The following ACSS3 variants were observed in gnomAD, a reference collection of about 807,000 sequenced individuals.
ACSS3 encodes the protein acyl-CoA synthetase short chain family member 3.
Under a neutral mutation model 84.2 loss-of-function variants are expected in ACSS3, and 64 were observed. The observed-to-expected ratio is 0.76, with a 90% CI of 0.62 to 0.94. The LOEUF is 0.94. Ranked by LOEUF, ACSS3 falls within the 40% of genes least tolerant of loss-of-function variation. The pLI, the probability that ACSS3 is intolerant of heterozygous loss-of-function variation, is 0.00. For missense variants in ACSS3, 815 were observed against 867.6 expected (o/e 0.94, Z 0.76); for synonymous variants, 317 against 310.1 (o/e 1.02, Z -0.23).
chr12:81,164,323 G>C (rs1887298800), intron 7 of ACSS3, among the ~76,000 whole-genome samples: 1 of 152,108 alleles, frequency 6.6e-6, no homozygotes, highest in African/African-American at 2.4e-5. Context: ...TGTGTGGTAG[G>C]CTTCACCATC....
chr12:81,184,789 G>A (rs533472836), intron 8 of ACSS3, among the ~76,000 whole-genome samples: 141 of 151,700 alleles, frequency 9.3e-4, no homozygotes, highest in Admixed American at 4.5e-3. Flanking sequence ...TGATTTTAGA[G>A]CTGAATTTTA....
At chr12:81,181,797 A>T (rs575128123) in intron 8 of ACSS3, among the ~76,000 whole-genome samples, 2 of 149,562 alleles carry the variant, frequency 1.3e-5, no homozygotes, top group African/African-American at 4.9e-5. Flanking sequence ...AGTAGACTAG[A>T]TAAAGCCAAA....
intron 13 of ACSS3, among the ~76,000 whole-genome samples, chr12:81,252,232 T>TA (rs971215771): frequency 2.0e-5 from 3 of 152,008 alleles, no homozygotes; most frequent in African/African-American, 2.4e-5. Flanking sequence ...ATCTTTCATA[T>TA]AAAAAAAATT....
At chr12:81,254,547 A>G (rs1380045514) in intron 15 of ACSS3, among the ~76,000 whole-genome samples, 1 of 152,174 alleles carries the variant, frequency 6.6e-6, no homozygotes, top group Non-Finnish European at 1.5e-5. Flanking sequence ...AGGAGTAGTT[A>G]TGTGAACAAG....
At chr12:81,196,935 C>G (rs1035555471) in intron 8 of ACSS3, among the ~76,000 whole-genome samples, 2 of 152,148 alleles carry the variant, frequency 1.3e-5, no homozygotes, top group African/African-American at 4.8e-5. Context: ...TTGGAGGGAA[C>G]AGGTATCCTA....
At chr12:81,247,368 A>T (rs1438755039) in intron 13 of ACSS3, among the ~76,000 whole-genome samples, 3 of 152,134 alleles carry the variant, frequency 2.0e-5, no homozygotes, top group African/African-American at 7.2e-5. Flanking sequence ...GTATCAACCT[A>T]TTCAAAGATA....
At position 81,259,018 on chromosome 12, in the gene ACSS3, A is replaced by G. The variant is rs537231222; in HGVS notation, c.*4096A>G. On this transcript the variant is annotated 3_prime_UTR_variant, in exon 16 of 16. Coordinates refer to ENST00000548058, the MANE Select transcript of ACSS3 (RefSeq NM_024560.4). The stretch of plus-strand genomic sequence containing the variant: ...ACAGTGCTATTTCTAAAGATATAGG[A>G]CATCCCTGATTGCCTTTAAAGCTCT... 6.3e-6 allele frequency: 1 copy of G among 159,256 alleles called. No individual in the cohort carries two copies. Among genetic ancestry groups the G allele is most frequent in the South Asian group, 1.8e-4 (1 of 5,486 alleles). The allele number at this position is 159,256 out of a possible 1,614,324, so 9.9% of individuals were successfully genotyped here. A position where few individuals can be genotyped will look rare whatever the true frequency, so the allele number is the denominator to read the frequency against.
At chr12:81,200,893 AAAAAAAAAAAAAAG>A (rs937892014) in intron 9 of ACSS3, among the ~76,000 whole-genome samples, 1 of 150,888 alleles carries the variant, frequency 6.6e-6, no homozygotes, top group African/African-American at 2.4e-5. Flanking sequence ...GACTGTCAAA[AAAAAAAAAAAAAAG>A]AAAAAGAAAG....
At chr12:81,213,621 T>C (rs1485885339) in intron 9 of ACSS3, among the ~76,000 whole-genome samples, 3 of 10,116 alleles carry the variant, frequency 3.0e-4, no homozygotes, top group Admixed American at 1.4e-3. Flanking sequence ...CCTCCCCTCC[T>C]CCCCTCTCCT....
At chr12:81,109,351 A>G (rs1883371095) in intron 1 of ACSS3, among the ~76,000 whole-genome samples, 1 of 152,180 alleles carries the variant, frequency 6.6e-6, no homozygotes, top group African/African-American at 2.4e-5. Context: ...TTTAGTGCAC[A>G]TCAAAATAAA....
chr12:81,213,158 C>T (rs1286363232), intron 9 of ACSS3, among the ~76,000 whole-genome samples: 2 of 152,170 alleles, frequency 1.3e-5, no homozygotes, highest in Non-Finnish European at 2.9e-5. Context: ...CACTTAATTA[C>T]AGCCCGGGTA....
intron 13 of ACSS3, among the ~76,000 whole-genome samples, chr12:81,236,853 T>C (rs184160242): frequency 5.3e-5 from 8 of 151,556 alleles, no homozygotes; most frequent in Admixed American, 4.6e-4. Flanking sequence ...TTAATATTCA[T>C]CTTTGACAGT....
Position 81,254,876 on chromosome 12 carries a change from AC to A in ACSS3, c.2019del (p.Ser674AlafsTer6). On this transcript the variant is annotated frameshift_variant, in exon 16 of 16. Transcript: ENST00000548058. LOFTEE classifies it high-confidence loss of function. ...KPYKITSTIEDPSIFGHVEEM... is the reference protein window; with the variant it reads ...KPYKITSTIEXPSIFGHVEEM... ...TTCCAGATAACTTCTACAATTGAAGACCCCAGCATTTTTGGCCACGTAGAAG... is the reference window on the plus strand; with the variant it reads ...TTCCAGATAACTTCTACAATTGAAGACCCAGCATTTTTGGCCACGTAGAAG... The A allele has an allele frequency of 6.2e-7, 1 of 1,608,676 alleles. No homozygotes were observed. Among genetic ancestry groups the A allele is most frequent in the Non-Finnish European group, 8.5e-7 (1 of 1,177,560 alleles).
intron 2 of ACSS3, among the ~76,000 whole-genome samples, chr12:81,115,675 C>T (rs1385589280): frequency 1.3e-5 from 2 of 151,968 alleles, no homozygotes; most frequent in Non-Finnish European, 2.9e-5. Context: ...TGTTAGCATG[C>T]CATGTTTTGA....
intron 8 of ACSS3, among the ~76,000 whole-genome samples, chr12:81,181,858 C>T (rs1850690415): frequency 6.8e-6 from 1 of 146,402 alleles, no homozygotes; most frequent in East Asian, 2.0e-4. Flanking sequence ...GACTCATTCA[C>T]AGGAAAAAAT....
chr12:81,166,362 G>A (rs1305892706), intron 7 of ACSS3, among the ~76,000 whole-genome samples: 1 of 152,148 alleles, frequency 6.6e-6, no homozygotes, highest in Non-Finnish European at 1.5e-5. Context: ...GGAGAGGGAA[G>A]CAATACTTTT....
intron 13 of ACSS3, among the ~76,000 whole-genome samples, chr12:81,240,769 C>T (rs1220129707): frequency 6.6e-6 from 1 of 151,920 alleles, no homozygotes; most frequent in Non-Finnish European, 1.5e-5. Context: ...TTACAACTAA[C>T]CAAATCCAGA....
At chr12:81,201,691 T>C (rs1433531457) in intron 9 of ACSS3, among the ~76,000 whole-genome samples, 1 of 152,200 alleles carries the variant, frequency 6.6e-6, no homozygotes, top group African/African-American at 2.4e-5. Context: ...ATGGAAAACA[T>C]GTGGATTTTA....
intron 2 of ACSS3, among the ~76,000 whole-genome samples, chr12:81,110,076 C>T (rs1282501523): frequency 6.6e-6 from 1 of 152,196 alleles, no homozygotes. Flanking sequence ...AGGCTCTGCT[C>T]ATATTAGATG....
Sources: gnomAD v4.1 joint callset for allele counts (sites outside exome capture counted in the v4.1 genomes callset) on GRCh38, gnomAD v4.1.1 for gene constraint, MANE v1.5 for transcripts, NCBI Gene and HGNC (gene_info 2026-07-23, HGNC 2026-07-21) for gene names.